Variants in HERC2 observed in about 807,000 individuals in gnomAD.
The protein encoded by HERC2 is E3 ubiquitin-protein ligase HERC2.
A neutral mutation model predicts 537.7 loss-of-function variants in HERC2; 102 were observed. The ratio of observed to expected loss-of-function variants is 0.19; its 90% CI spans 0.16 to 0.22. HERC2 has a LOEUF of 0.22. Among genes scored for constraint, HERC2 ranks in the 10% least tolerant of loss-of-function variants. HERC2 has a pLI of 1.00. For synonymous variants in HERC2, 2,224 were observed against 2,466.2 expected, an observed-to-expected ratio of 0.90 and a Z score of 2.91; for missense variants, 4,236 against 6,198.2, an observed-to-expected ratio of 0.68 and a Z score of 10.63.
At chr15:28,116,304 C>T (rs933471140) in intron 88 of HERC2, among the ~76,000 whole-genome samples, 4 of 151,830 alleles carry the variant, frequency 2.6e-5, no homozygotes, top group African/African-American at 9.7e-5. Context: ...ACCTCCGCCT[C>T]CCGGGTTCAA....
intron 78 of HERC2, among the ~76,000 whole-genome samples, chr15:28,136,495 T>C (rs1890655665): frequency 6.6e-6 from 1 of 152,212 alleles, no homozygotes; most frequent in Admixed American, 6.5e-5. Flanking sequence ...CTATAGAAAG[T>C]GGGGCTCCAA....
At position 28,124,988 on chromosome 15, in the gene HERC2, C is replaced by G; in HGVS notation, c.12990+18G>C. 6.3e-7 allele frequency: 1 copy of G among 1,579,958 alleles called. No individual in the cohort carries two copies. Among genetic ancestry groups the G allele is most frequent in the Middle Eastern group, 1.8e-4 (1 of 5,542 alleles). The stretch of plus-strand genomic sequence containing the variant: ...ACACTTTGCTTGCCCCCGACCCACC[C>G]AACCTGCCCGGACTCACCTGTGCAG... On this transcript the variant is annotated intron_variant, in intron 84 of 92. Coordinates refer to ENST00000261609, the MANE Select transcript of HERC2 (RefSeq NM_004667.6).
At chr15:28,317,144 G>A (rs2141317774) in intron 2 of HERC2, among the ~76,000 whole-genome samples, 1 of 151,992 alleles carries the variant, frequency 6.6e-6, no homozygotes, top group African/African-American at 2.4e-5. Context: ...AGGCTGGAGT[G>A]CAATGGCATG....
chr15:28,200,658 G>A (rs545019513), intron 48 of HERC2, among the ~76,000 whole-genome samples: 105 of 152,252 alleles, frequency 6.9e-4, no homozygotes, highest in African/African-American at 2.5e-3. Context: ...TTGTATCCAA[G>A]TTCAAAAACT....
intron 4 of HERC2, among the ~76,000 whole-genome samples, chr15:28,284,871 C>T (rs1218559824): frequency 1.6e-5 from 2 of 126,016 alleles, no homozygotes; most frequent in African/African-American, 5.9e-5. Context: ...GAGCTGAGAT[C>T]GTGCCACTTC....
At chr15:28,134,084 C>T (rs1890370692) in intron 79 of HERC2, among the ~76,000 whole-genome samples, 5 of 152,150 alleles carry the variant, frequency 3.3e-5, no homozygotes, top group Admixed American at 3.3e-4. Flanking sequence ...ACAATACTGA[C>T]TCTTCTGCTC....
intron 16 of HERC2, among the ~76,000 whole-genome samples, chr15:28,258,303 CT>C (rs1364336205): frequency 2.0e-5 from 3 of 152,106 alleles, no homozygotes; most frequent in African/African-American, 7.2e-5. Context: ...AACCCCATCT[CT>C]ACTGAAAATA....
At chr15:28,180,570 G>A (rs1009980405) in intron 57 of HERC2, among the ~76,000 whole-genome samples, 2 of 152,180 alleles carry the variant, frequency 1.3e-5, no homozygotes, top group African/African-American at 4.8e-5. Context: ...ACAGCTGCTG[G>A]TAACTATGGA....
At chr15:28,144,652 C>T (rs369134785) in intron 72 of HERC2, 21 bp downstream of exon 72, 372 of 1,614,014 alleles carry the variant, frequency 2.3e-4, no homozygotes, top group Admixed American at 5.8e-4. Context: ...TAACCTTGAT[C>T]GCCATAAGCC....
chr15:28,151,972 A>G (rs1596065894), intron 70 of HERC2, among the ~76,000 whole-genome samples: 2 of 152,324 alleles, frequency 1.3e-5, no homozygotes, highest in Admixed American at 1.3e-4. Flanking sequence ...CTAGAATAGC[A>G]CCATTTGTAG....
At chr15:28,163,773 C>G (rs1296325362) in intron 68 of HERC2, among the ~76,000 whole-genome samples, 3 of 152,184 alleles carry the variant, frequency 2.0e-5, no homozygotes, top group Non-Finnish European at 4.4e-5. Context: ...TATCCAGTCT[C>G]TCTCTCTCCT....
At chr15:28,146,589 C>T (rs970044233) in intron 70 of HERC2, among the ~76,000 whole-genome samples, 97 of 152,176 alleles carry the variant, frequency 6.4e-4, no homozygotes, top group African/African-American at 2.3e-3. Context: ...CGGTCACTCC[C>T]GGGCAGACTT....
chr15:28,284,434 G>C (rs1252236476), intron 4 of HERC2, among the ~76,000 whole-genome samples: 1 of 151,908 alleles, frequency 6.6e-6, no homozygotes, highest in African/African-American at 2.4e-5. Flanking sequence ...CAGTCTAAAT[G>C]CATCAATTAA....
At chr15:28,256,723 T>G (rs368264669) in intron 17 of HERC2, among the ~76,000 whole-genome samples, 173 of 152,110 alleles carry the variant, frequency 1.1e-3, no homozygotes, top group African/African-American at 4.0e-3. Context: ...GCCTCCCGAG[T>G]AGCTGGAACT....
Position 28,274,358 on chromosome 15 carries a change from T to G in HERC2, c.733A>C (p.Thr245Pro). ...LPEASLFDESTVSSVWLEVVE... is the reference protein window; with the variant it reads ...LPEASLFDESPVSSVWLEVVE... Reference sequence around the variant, plus strand: ...ACCTCCAGCCACACAGAGGACACGGTGCTCTCGTCAAAGAGCGAGGCCTCG... The same window carrying G: ...ACCTCCAGCCACACAGAGGACACGGGGCTCTCGTCAAAGAGCGAGGCCTCG... Residue 245 changes from threonine (T) to proline (P), a missense_variant, in exon 7 of 93, where the codon ACC becomes CCC. By Grantham distance (38) the Thr-to-Pro change is conservative (BLOSUM62 -1). Coordinates refer to ENST00000261609, the MANE Select transcript of HERC2 (RefSeq NM_004667.6). 1 of 1,614,212 alleles carries G rather than the reference T, an allele frequency of 6.2e-7. No homozygotes were observed. The highest frequency in any genetic ancestry group is 8.5e-7 in the Non-Finnish European group (1 of 1,180,028).
chr15:28,139,588 T>C (rs1290529934), intron 78 of HERC2, among the ~76,000 whole-genome samples: 1 of 152,186 alleles, frequency 6.6e-6, no homozygotes, highest in Non-Finnish European at 1.5e-5. Context: ...AATAAATGTG[T>C]GTGAGACAGT....
At chr15:28,129,852 C>T (rs1312600201) in intron 83 of HERC2, among the ~76,000 whole-genome samples, 1 of 151,294 alleles carries the variant, frequency 6.6e-6, no homozygotes, top group East Asian at 2.0e-4. Context: ...TCTTGGCTCA[C>T]TGCAACCTCC....
At chr15:28,206,865 A>G (rs971530090) in intron 44 of HERC2, among the ~76,000 whole-genome samples, 20 of 142,454 alleles carry the variant, frequency 1.4e-4, no homozygotes, top group South Asian at 4.6e-4. Flanking sequence ...AAAAAAATTA[A>G]CTGGGCGTGG....
At chr15:28,119,006 G>A (rs538232440) in intron 86 of HERC2, among the ~76,000 whole-genome samples, 5 of 152,214 alleles carry the variant, frequency 3.3e-5, no homozygotes, top group Admixed American at 1.3e-4. Flanking sequence ...GGTGGCTCAC[G>A]CCTATAATAC....
Sources: allele counts gnomAD v4.1 joint callset (sites outside exome capture counted in the v4.1 genomes callset), GRCh38; gene constraint gnomAD v4.1.1; transcripts MANE v1.5; gene names NCBI Gene and HGNC (gene_info 2026-07-23, HGNC 2026-07-21).